The following DAP variants were observed in gnomAD, a reference collection of about 807,000 sequenced individuals.
DAP encodes death-associated protein 1.
In DAP, 8 loss-of-function variants were observed where a neutral mutation model predicts 13.8. That is an observed-to-expected ratio of 0.58 (90% CI 0.34 to 1.05). DAP has a LOEUF of 1.05. Ranked by LOEUF, DAP falls within the 50% of genes least tolerant of loss-of-function variation. The pLI is 0.03. For synonymous variants in DAP, 47 were observed against 47.5 expected (o/e 0.99, Z 0.04); for missense variants, 106 against 133.2 (o/e 0.80, Z 1.01).
At chr5:10,748,020 GC>G in intron 2 of DAP, 154 bp downstream of exon 2, 1 of 602,188 alleles carries the variant, frequency 1.7e-6, no homozygotes, top group Non-Finnish European at 3.0e-6. Context: ...TGAAAACAAA[GC>G]CCCCTCCTCC....
At chr5:10,694,095 A>G (rs143583364) in intron 2 of DAP, among the ~76,000 whole-genome samples, 2 of 152,096 alleles carry the variant, frequency 1.3e-5, no homozygotes, top group African/African-American at 4.8e-5. Context: ...ACCATCTCAG[A>G]CGACTCTGTT....
At chr5:10,687,544 C>T (rs1738186424) in intron 2 of DAP, among the ~76,000 whole-genome samples, 1 of 152,080 alleles carries the variant, frequency 6.6e-6, no homozygotes, top group Non-Finnish European at 1.5e-5. Context: ...GTGAAAACAG[C>T]AAGAGAACTA....
At chr5:10,755,873 T>C (rs537937036) in intron 1 of DAP, among the ~76,000 whole-genome samples, 59 of 152,256 alleles carry the variant, frequency 3.9e-4, no homozygotes, top group Non-Finnish European at 6.2e-4. Flanking sequence ...GAAGGCTGGG[T>C]GCGGTGGCTC....
At chr5:10,727,495 G>A (rs1337947343) in intron 2 of DAP, among the ~76,000 whole-genome samples, 1 of 152,192 alleles carries the variant, frequency 6.6e-6, no homozygotes, top group African/African-American at 2.4e-5. Flanking sequence ...TGGTGGGGAT[G>A]GGGCCTGCTG....
intron 2 of DAP, among the ~76,000 whole-genome samples, chr5:10,724,102 G>C (rs1193385446): frequency 6.6e-6 from 1 of 152,092 alleles, no homozygotes; most frequent in Non-Finnish European, 1.5e-5. Context: ...AATAATTTCT[G>C]GTAAAAACTC....
intron 3 of DAP, chr5:10,683,062 G>C (rs1446126908): frequency 4.4e-6 from 1 of 227,022 alleles, no homozygotes; most frequent in East Asian, 1.7e-4. Context: ...GGCCAGGGTG[G>C]GGTCCACATG....
intron 2 of DAP, among the ~76,000 whole-genome samples, chr5:10,722,805 C>T (rs1739188935): frequency 6.6e-6 from 1 of 152,094 alleles, no homozygotes; most frequent in Non-Finnish European, 1.5e-5. Flanking sequence ...CTCACACCCA[C>T]CACCCAACGA....
At chr5:10,745,031 T>G (rs1739864955) in intron 2 of DAP, among the ~76,000 whole-genome samples, 2 of 152,152 alleles carry the variant, frequency 1.3e-5, no homozygotes, top group South Asian at 4.1e-4. Context: ...GTAGCACAGA[T>G]CAAATGAATT....
intron 2 of DAP, among the ~76,000 whole-genome samples, chr5:10,731,411 G>A (rs1284277775): frequency 2.0e-5 from 3 of 152,200 alleles, no homozygotes; most frequent in African/African-American, 7.2e-5. Flanking sequence ...CTGATCTCTT[G>A]CTACCAGCTG....
At chr5:10,712,809 T>C (rs1018265325) in intron 2 of DAP, among the ~76,000 whole-genome samples, 7 of 152,216 alleles carry the variant, frequency 4.6e-5, no homozygotes, top group Non-Finnish European at 2.9e-5. Context: ...AATGACTACA[T>C]TGAACTCTTT....
At chr5:10,749,362 T>C (rs1239634938) in intron 1 of DAP, among the ~76,000 whole-genome samples, 3 of 152,152 alleles carry the variant, frequency 2.0e-5, no homozygotes, top group Admixed American at 6.5e-5. Context: ...TGCCTCTGAA[T>C]TTATCCTTCT....
At chr5:10,746,979 C>T (rs116085401) in intron 2 of DAP, among the ~76,000 whole-genome samples, 1,967 of 152,272 alleles carry the variant, frequency 0.013, 47 homozygotes, top group African/African-American at 0.045. Flanking sequence ...TTACCTAGCA[C>T]GGTGCATGAT....
chr5:10,698,601 A>G (rs1395004158), intron 2 of DAP, among the ~76,000 whole-genome samples: 1 of 152,162 alleles, frequency 6.6e-6, no homozygotes, highest in Non-Finnish European at 1.5e-5. Flanking sequence ...CCTGATCTCT[A>G]GTGACTGGGT....
At chr5:10,695,862 G>A (rs1738426396) in intron 2 of DAP, among the ~76,000 whole-genome samples, 2 of 151,764 alleles carry the variant, frequency 1.3e-5, no homozygotes, top group African/African-American at 2.4e-5. Context: ...AAACTTCACA[G>A]AGATTTTTTT....
At chr5:10,726,916 G>T (rs1739301029) in intron 2 of DAP, among the ~76,000 whole-genome samples, 1 of 152,190 alleles carries the variant, frequency 6.6e-6, no homozygotes, top group Admixed American at 6.5e-5. Flanking sequence ...TATGCATGTA[G>T]TGGAATCATC....
intron 2 of DAP, among the ~76,000 whole-genome samples, chr5:10,736,384 T>C (rs1377383841): frequency 6.6e-6 from 1 of 152,202 alleles, no homozygotes; most frequent in Non-Finnish European, 1.5e-5. Flanking sequence ...GGCTTTGTCC[T>C]AATGGCAGAT....
chr5:10,753,966 A>C (rs1238899207), intron 1 of DAP, among the ~76,000 whole-genome samples: 1 of 152,254 alleles, frequency 6.6e-6, no homozygotes, highest in African/African-American at 2.4e-5. Context: ...TGATTAAACC[A>C]AAGGATCTCA....
chr5:10,753,535 C>T (rs1374490704), intron 1 of DAP, among the ~76,000 whole-genome samples: 1 of 152,180 alleles, frequency 6.6e-6, no homozygotes, highest in Non-Finnish European at 1.5e-5. Flanking sequence ...AAGCAAACAC[C>T]AAGGAGGCAA....
rs565486949 is a variant in DAP at position 10,708,371 on chromosome 5, T to C, written c.153-24800A>G. Among the ~76,000 whole-genome samples the C allele has an allele frequency of 2.0e-5, 3 of 147,520 alleles. No individual in the cohort carries two copies. The South Asian group carries it at 6.3e-4, about 31-fold the overall frequency. On this transcript the variant is annotated intron_variant, in intron 2 of 3. Coordinates refer to ENST00000230895, the MANE Select transcript of DAP (RefSeq NM_004394.3). Reference sequence around the variant, plus strand: ...ATACACACAGACGCACATACACACATGCACAGACATACATACACACACACA... The same window carrying C: ...ATACACACAGACGCACATACACACACGCACAGACATACATACACACACACA...
Sources: gnomAD v4.1 joint callset for allele counts (sites outside exome capture counted in the v4.1 genomes callset) on GRCh38, gnomAD v4.1.1 for gene constraint, MANE v1.5 for transcripts, NCBI Gene and HGNC (gene_info 2026-07-23, HGNC 2026-07-21) for gene names.